TAFA1: variants seen among roughly 807,000 people sequenced by gnomAD.
TAFA1 encodes the protein chemokine-like protein TAFA-1.
TAFA1 carries 4 observed loss-of-function variants against 18.5 expected under a neutral mutation model. The observed-to-expected ratio is 0.22, with a 90% CI of 0.11 to 0.49. The LOEUF (loss-of-function observed/expected upper bound fraction) is 0.49. Ranked by LOEUF, TAFA1 falls within the 20% of genes least tolerant of loss-of-function variation. The pLI, the probability that TAFA1 is intolerant of heterozygous loss-of-function variation, is 0.98. For missense variants in TAFA1, 147 were observed against 169.0 expected, an observed-to-expected ratio of 0.87 and a Z score of 0.72; for synonymous variants, 56 against 55.2, an observed-to-expected ratio of 1.01 and a Z score of -0.06.
chr3:68,039,383 TTAAC>T (rs1705117317), intron 2 of TAFA1, among the ~76,000 whole-genome samples: 1 of 152,186 alleles, frequency 6.6e-6, no homozygotes. Context: ...CAAGTACTCT[TTAAC>T]AATCAACTTT....
intron 2 of TAFA1, among the ~76,000 whole-genome samples, chr3:68,320,621 C>G (rs1280268823): frequency 1.3e-5 from 2 of 152,210 alleles, no homozygotes; most frequent in Non-Finnish European, 1.5e-5. Context: ...CCTGGGCTCT[C>G]CCTGTGACCC....
intron 2 of TAFA1, among the ~76,000 whole-genome samples, chr3:68,058,748 C>A (rs746885360): frequency 6.6e-6 from 1 of 152,124 alleles, no homozygotes; most frequent in African/African-American, 2.4e-5. Flanking sequence ...TATACTGATA[C>A]CTGTTTTCAG....
At chr3:68,334,016 G>C (rs570646083) in intron 2 of TAFA1, among the ~76,000 whole-genome samples, 2 of 152,306 alleles carry the variant, frequency 1.3e-5, no homozygotes, top group South Asian at 4.1e-4. Context: ...GAAATGGGGA[G>C]ATCTTGGTCT....
chr3:68,343,007 C>G (rs2106756865), intron 2 of TAFA1, among the ~76,000 whole-genome samples: 2 of 152,264 alleles, frequency 1.3e-5, no homozygotes, highest in African/African-American at 4.8e-5. Flanking sequence ...GTTGCTTTAA[C>G]AAAGTGCCTG....
intron 2 of TAFA1, among the ~76,000 whole-genome samples, chr3:68,010,247 C>T (rs984164576): frequency 1.3e-5 from 2 of 152,150 alleles, no homozygotes; most frequent in East Asian, 1.9e-4. Flanking sequence ...CAGCCTCTTA[C>T]GGGCACTTTG....
intron 2 of TAFA1, among the ~76,000 whole-genome samples, chr3:68,350,254 G>A (rs902334399): frequency 1.3e-5 from 2 of 152,070 alleles, no homozygotes; most frequent in African/African-American, 4.8e-5. Flanking sequence ...AGAGTTTAAT[G>A]TTCTGCACAA....
intron 2 of TAFA1, among the ~76,000 whole-genome samples, chr3:68,384,027 T>C (rs1054280756): frequency 5.3e-5 from 8 of 152,036 alleles, no homozygotes; most frequent in South Asian, 2.1e-4. Context: ...GGTAATATAT[T>C]TGCTTTTTCA....
At chr3:68,181,378 CAAA>C in intron 2 of TAFA1, among the ~76,000 whole-genome samples, 1 of 80,252 alleles carries the variant, frequency 1.2e-5, no homozygotes, top group Admixed American at 1.2e-4. Context: ...CTAGAACATA[CAAA>C]AAAAAAAAAA....
rs78192903 is a variant in TAFA1 at position 68,337,136 on chromosome 3, G to A, written c.119-80144G>A. 0.011 allele frequency among the ~76,000 whole-genome samples: 1,639 copies of A among 152,244 alleles called. 86 individuals are homozygous for A. In the East Asian group the frequency reaches 0.17, roughly 16 times the overall value. ...TTCTTTATAGAAAGAACTACCTGAG[G>A]CTGGATAATGTATTTTTAAAAAGTG... On this transcript the variant is annotated intron_variant, in intron 2 of 4. Transcript: ENST00000478136.
chr3:68,350,106 T>A (rs1220091876), intron 2 of TAFA1, among the ~76,000 whole-genome samples: 4 of 152,100 alleles, frequency 2.6e-5, no homozygotes, highest in Non-Finnish European at 5.9e-5. Context: ...AATGTTATCT[T>A]AAAAACTCTG....
At position 68,438,518 on chromosome 3, in the gene TAFA1, G is replaced by T. The variant is rs370799691; in HGVS notation, c.259+21098G>T. On this transcript the variant is annotated intron_variant, in intron 3 of 4. Coordinates refer to ENST00000478136, the MANE Select transcript of TAFA1 (RefSeq NM_213609.4). ...CTCACTTAGGGTTGCATTGCACACT[G>T]TTCTCTCTACAGTTATGGGGTCTTG... Among the ~76,000 whole-genome samples, 181 of 152,228 alleles carry T rather than the reference G, an allele frequency of 1.2e-3. 7 individuals carry two copies. The South Asian group carries it at 0.035, about 30-fold the overall frequency.
At chr3:68,142,811 G>A (rs1444639329) in intron 2 of TAFA1, among the ~76,000 whole-genome samples, 1 of 152,096 alleles carries the variant, frequency 6.6e-6, no homozygotes, top group African/African-American at 2.4e-5. Context: ...GCAGACCGGT[G>A]CATAATTAAA....
At chr3:68,022,844 A>ATATATAATATATATATAT (rs1236980982) in intron 2 of TAFA1, among the ~76,000 whole-genome samples, 63 of 2,568 alleles carry the variant, frequency 0.025, 1 homozygote, top group Middle Eastern at 0.5. Context: ...TATATATATT[A>ATATATAATATATATATAT]TATATATATA....
chr3:68,538,974 G>C, intron 4 of TAFA1, 94 bp downstream of exon 4: 1 of 1,320,418 alleles, frequency 7.6e-7, no homozygotes, highest in Non-Finnish European at 1.0e-6. Flanking sequence ...GCTTTGCACA[G>C]GAGAGAAGAT....
At chr3:68,286,221 T>C (rs1382674693) in intron 2 of TAFA1, among the ~76,000 whole-genome samples, 1 of 151,710 alleles carries the variant, frequency 6.6e-6, no homozygotes, top group Admixed American at 6.6e-5. Flanking sequence ...AAAATAATAA[T>C]AATAATCATA....
intron 3 of TAFA1, among the ~76,000 whole-genome samples, chr3:68,447,206 C>A (rs1353232864): frequency 1.3e-5 from 2 of 152,202 alleles, no homozygotes; most frequent in East Asian, 3.8e-4. Context: ...CCAACACACA[C>A]AATGCAGCCT....
intron 2 of TAFA1, among the ~76,000 whole-genome samples, chr3:68,205,609 T>C (rs2066517265): frequency 6.6e-6 from 1 of 151,908 alleles, no homozygotes; most frequent in Non-Finnish European, 1.5e-5. Flanking sequence ...TCCTGAAGAC[T>C]AGAAAACGTC....
intron 2 of TAFA1, among the ~76,000 whole-genome samples, chr3:68,218,729 A>C (rs569404474): frequency 3.1e-4 from 47 of 152,276 alleles, no homozygotes; most frequent in African/African-American, 1.0e-3. Context: ...AATTAACCTG[A>C]GAAACACATT....
At chr3:68,176,106 A>G (rs1027227310) in intron 2 of TAFA1, among the ~76,000 whole-genome samples, 1 of 152,186 alleles carries the variant, frequency 6.6e-6, no homozygotes, top group Middle Eastern at 3.2e-3. Context: ...GTGGAACTGT[A>G]CATTCATTGA....
Sources: gnomAD v4.1 joint callset for allele counts (sites outside exome capture counted in the v4.1 genomes callset) on GRCh38, gnomAD v4.1.1 for gene constraint, MANE v1.5 for transcripts, NCBI Gene and HGNC (gene_info 2026-07-23, HGNC 2026-07-21) for gene names.